The following TG variants were observed in gnomAD, a reference collection of about 807,000 sequenced individuals.
TG encodes the protein thyroglobulin, also known as thyroid hormones.
TG carries 270 observed loss-of-function variants against 324.7 expected under a neutral mutation model. The observed-to-expected ratio is 0.83, with a 90% confidence interval of 0.75 to 0.92. The LOEUF is 0.92. Ranked by LOEUF, TG falls within the 40% of genes least tolerant of loss-of-function variation. The pLI is 0.00. For missense variants in TG, 3,591 were observed against 3,456.4 expected (o/e 1.04, Z -0.98); for synonymous variants, 1,401 against 1,327.0 (o/e 1.06, Z -1.21).
intron 22 of TG, 108 bp downstream of exon 22, chr8:132,923,616 T>C (rs907263135): frequency 7.4e-7 from 1 of 1,354,840 alleles, no homozygotes; most frequent in Non-Finnish European, 9.9e-7. Context: ...TCCAACTTTT[T>C]GTTTTGAAAA....
intron 23 of TG, among the ~76,000 whole-genome samples, chr8:132,930,191 A>C (rs755385828): frequency 6.6e-6 from 1 of 152,242 alleles, no homozygotes; most frequent in Non-Finnish European, 1.5e-5. Context: ...CAAGGCATGA[A>C]GTAGAAGCTG....
intron 34 of TG, among the ~76,000 whole-genome samples, chr8:132,977,341 C>T (rs1199032659): frequency 1.3e-5 from 2 of 152,020 alleles, no homozygotes; most frequent in Admixed American, 1.3e-4. Context: ...ACATTTTTAC[C>T]AAGGATTTGA....
intron 27 of TG, 89 bp from the exon 28 acceptor site, chr8:132,960,919 G>T (rs750836830): frequency 7.7e-7 from 1 of 1,292,182 alleles, no homozygotes; most frequent in African/African-American, 1.5e-5. Flanking sequence ...GGAAGAGCCT[G>T]TGTCAAGGGA....
chr8:132,912,180 T>A lies in TG; in HGVS notation c.4159+647T>A, dbSNP rs1448355006. 2.0e-5 allele frequency among the ~76,000 whole-genome samples: 3 copies of A among 152,174 alleles called. No individual in the cohort carries two copies. The South Asian group carries it at 6.2e-4, about 32-fold the overall frequency. On this transcript the variant is annotated intron_variant, in intron 19 of 47. Coordinates refer to ENST00000220616, the MANE Select transcript of TG (RefSeq NM_003235.5). ...TGGAAAACATTGCCAGGAAGGAGAC[T>A]GCATCTCTGTCATTCACTAGTTCTC... is the stretch of plus-strand genomic sequence containing the variant.
chr8:133,021,111 A>G (rs188802717), intron 39 of TG, among the ~76,000 whole-genome samples: 42 of 152,254 alleles, frequency 2.8e-4, no homozygotes, highest in African/African-American at 9.9e-4. Context: ...TAGCTGTGTG[A>G]TCTCAGGCAA....
At chr8:133,050,852 A>G in intron 41 of TG, 2 of 1,613,448 alleles carry the variant, frequency 1.2e-6, no homozygotes, top group Non-Finnish European at 1.7e-6. Flanking sequence ...TCGGCGGAAT[A>G]TCGGGGGGCT....
chr8:132,924,179 A>C (rs1821497516), intron 22 of TG, among the ~76,000 whole-genome samples: 1 of 151,866 alleles, frequency 6.6e-6, no homozygotes, highest in South Asian at 2.1e-4. Flanking sequence ...AGATTCTCAA[A>C]GGAGCATGCA....
chr8:132,915,543 G>A (rs575881519), intron 20 of TG, among the ~76,000 whole-genome samples: 102 of 152,306 alleles, frequency 6.7e-4, no homozygotes, highest in Admixed American at 5.2e-4. Flanking sequence ...AGGATGGGGC[G>A]TAGGGAAGAG....
At chr8:133,084,094 G>T (rs140093316) in intron 41 of TG, among the ~76,000 whole-genome samples, 1 of 152,266 alleles carries the variant, frequency 6.6e-6, no homozygotes, top group African/African-American at 2.4e-5. Flanking sequence ...TCTAGGGCAG[G>T]CATGGTGAGT....
intron 35 of TG, among the ~76,000 whole-genome samples, chr8:133,009,084 G>T (rs941599748): frequency 5.3e-5 from 8 of 152,150 alleles, no homozygotes; most frequent in Admixed American, 1.3e-4. Context: ...CAGATGAACT[G>T]GTTTTCACTT....
intron 36 of TG, among the ~76,000 whole-genome samples, chr8:133,012,976 G>A (rs1459280488): frequency 6.6e-6 from 1 of 152,250 alleles, no homozygotes; most frequent in African/African-American, 2.4e-5. Flanking sequence ...TATGGTGCCA[G>A]CTGAGGAGGC....
chr8:133,096,842 A>G (rs1484274431), intron 43 of TG, among the ~76,000 whole-genome samples: 1 of 152,236 alleles, frequency 6.6e-6, no homozygotes, highest in Non-Finnish European at 1.5e-5. Context: ...CGCACAATGC[A>G]CCTGGCAAAC....
chr8:132,940,099 A>T (rs1041634178), intron 25 of TG, among the ~76,000 whole-genome samples: 1 of 152,098 alleles, frequency 6.6e-6, no homozygotes, highest in South Asian at 2.1e-4. Flanking sequence ...TGGCAGGGTG[A>T]CCTCAGATCT....
At chr8:132,905,341 A>G (rs1251630898) in intron 16 of TG, among the ~76,000 whole-genome samples, 2 of 152,180 alleles carry the variant, frequency 1.3e-5, no homozygotes, top group East Asian at 1.9e-4. Context: ...AGACAACTCA[A>G]GGAGCCTACT....
intron 20 of TG, among the ~76,000 whole-genome samples, chr8:132,916,810 A>G (rs1010194375): frequency 2.0e-5 from 3 of 152,206 alleles, no homozygotes; most frequent in Non-Finnish European, 4.4e-5. Flanking sequence ...AAGGAGAATA[A>G]CTGAGAAATT....
intron 43 of TG, among the ~76,000 whole-genome samples, chr8:133,104,788 T>A (rs755047204): frequency 1.1e-4 from 17 of 152,154 alleles, no homozygotes; most frequent in Admixed American, 6.5e-5. Flanking sequence ...AGTGAGGACA[T>A]GGTCACATTG....
chr8:132,898,379 C>G (rs1016068986), intron 13 of TG, 133 bp downstream of exon 13: 9 of 892,168 alleles, frequency 1.0e-5, no homozygotes, highest in Non-Finnish European at 1.6e-5. Flanking sequence ...CAGCCAGACG[C>G]ATTTCCCAAG....
At chr8:133,050,637 G>T (rs926531965) in intron 41 of TG, 113 of 584,072 alleles carry the variant, frequency 1.9e-4, no homozygotes, top group Middle Eastern at 1.8e-3. Flanking sequence ...GCTATGGAAG[G>T]TTCTAGAGCA....
chr8:132,873,014 T>C (rs771688257), intron 4 of TG, 48 bp from the exon 5 acceptor site: 1 of 1,606,838 alleles, frequency 6.2e-7, no homozygotes, highest in East Asian at 2.2e-5. Flanking sequence ...ACTGCAGAAA[T>C]ATGTGTCTAC....
Sources: gnomAD v4.1 joint callset for allele counts (sites outside exome capture counted in the v4.1 genomes callset) on GRCh38, gnomAD v4.1.1 for gene constraint, MANE v1.5 for transcripts, NCBI Gene and HGNC (gene_info 2026-07-23, HGNC 2026-07-21) for gene names.